Variants in CCSER1 observed in about 807,000 individuals in gnomAD.
CCSER1 encodes coiled-coil serine rich protein 1.
A neutral mutation model predicts 82.0 loss-of-function variants in CCSER1; 41 were observed. The observed-to-expected ratio is 0.50, with a 90% CI of 0.39 to 0.65. CCSER1 has a LOEUF of 0.65. CCSER1 is among the 30% of genes least tolerant of loss of function. The pLI is 0.00. For missense variants in CCSER1, 1,119 were observed against 1,064.2 expected, an observed-to-expected ratio of 1.05 and a Z score of -0.72; for synonymous variants, 414 against 383.9, an observed-to-expected ratio of 1.08 and a Z score of -0.92.
chr4:90,471,746 G>A (rs530548695), intron 5 of CCSER1, among the ~76,000 whole-genome samples: 132 of 151,656 alleles, frequency 8.7e-4, no homozygotes, highest in African/African-American at 3.0e-3. Flanking sequence ...AGGCCGAGGC[G>A]GGCGGATCAC....
chr4:91,446,671 A>AT (rs200717301), intron 10 of CCSER1, among the ~76,000 whole-genome samples: 37,715 of 105,934 alleles, frequency 0.36, 6,127 homozygotes, highest in South Asian at 0.49. Flanking sequence ...TATTTTAAAT[A>AT]AATAAATATA....
At chr4:90,490,222 T>C (rs988964800) in intron 5 of CCSER1, among the ~76,000 whole-genome samples, 5 of 152,190 alleles carry the variant, frequency 3.3e-5, no homozygotes, top group African/African-American at 1.2e-4. Context: ...TTCTAACTGG[T>C]GTGAGATGGT....
At chr4:91,298,880 G>C (rs1744439757) in intron 10 of CCSER1, among the ~76,000 whole-genome samples, 1 of 151,938 alleles carries the variant, frequency 6.6e-6, no homozygotes, top group Admixed American at 6.6e-5. Context: ...AAACCCAAAA[G>C]GGGGAAAATC....
chr4:90,933,580 A>G (rs1344357659), intron 9 of CCSER1, among the ~76,000 whole-genome samples: 2 of 152,024 alleles, frequency 1.3e-5, no homozygotes, highest in African/African-American at 4.8e-5. Flanking sequence ...TATCAGTAAT[A>G]TGACACAATT....
chr4:90,615,583 G>T (rs924542355), intron 5 of CCSER1, among the ~76,000 whole-genome samples: 1 of 152,102 alleles, frequency 6.6e-6, no homozygotes, highest in East Asian at 1.9e-4. Context: ...GAAACACCAA[G>T]AGAACTAGAA....
rs192040302 is a variant in CCSER1, at chr4:91,185,503, G to C, written c.2217+99509G>C. 7.0e-3 allele frequency among the ~76,000 whole-genome samples: 1,069 copies of C among 152,314 alleles called. 12 individuals are homozygous for C. Among genetic ancestry groups the C allele is most frequent in the African/African-American group, 0.025 (1,029 of 41,554 alleles). On this transcript the variant is annotated intron_variant, in intron 10 of 10. Coordinates refer to ENST00000509176, the MANE Select transcript of CCSER1 (RefSeq NM_001145065.2). ...CCCAGGCAGAAGGCTCACAGCTTTTGTGCAGCATAAATCTACTGCAGTGCT... is the reference window on the plus strand; with the variant it reads ...CCCAGGCAGAAGGCTCACAGCTTTTCTGCAGCATAAATCTACTGCAGTGCT...
chr4:91,230,151 AT>A (rs1307537700), intron 10 of CCSER1, among the ~76,000 whole-genome samples: 2 of 152,168 alleles, frequency 1.3e-5, no homozygotes, highest in Non-Finnish European at 2.9e-5. Context: ...AACTTTAGCC[AT>A]AAACTTTTCT....
chr4:91,570,959 CA>C (rs1225876794), intron 10 of CCSER1, among the ~76,000 whole-genome samples: 1 of 152,172 alleles, frequency 6.6e-6, no homozygotes, highest in Admixed American at 6.5e-5. Flanking sequence ...TTCCTTCCAT[CA>C]GATACTCTAA....
chr4:90,613,988 A>G (rs1414634770), intron 5 of CCSER1, among the ~76,000 whole-genome samples: 3 of 152,122 alleles, frequency 2.0e-5, no homozygotes, highest in African/African-American at 7.2e-5. Flanking sequence ...TGCTTCCCAC[A>G]TACTACATTT....
At chr4:91,337,663 A>G (rs548538682) in intron 10 of CCSER1, among the ~76,000 whole-genome samples, 2 of 152,178 alleles carry the variant, frequency 1.3e-5, no homozygotes, top group South Asian at 4.1e-4. Flanking sequence ...TAGCCAAGTG[A>G]ACATGGATAA....
intron 7 of CCSER1, chr4:90,780,640 C>G (rs189206686): frequency 1.5e-6 from 2 of 1,372,648 alleles, no homozygotes; most frequent in East Asian, 2.7e-5. Flanking sequence ...TCATTATATT[C>G]ATTCAAATGA....
intron 6 of CCSER1, chr4:90,663,852 T>C (rs62314392): frequency 0.19 from 68,154 of 360,284 alleles, 6,986 homozygotes; most frequent in African/African-American, 0.28. Context: ...TAGGTTCACT[T>C]GTCAAGGATG....
At chr4:90,779,639 C>T (rs946949552) in intron 7 of CCSER1, among the ~76,000 whole-genome samples, 1 of 152,178 alleles carries the variant, frequency 6.6e-6, no homozygotes, top group Admixed American at 6.5e-5. Flanking sequence ...GATTCTGTAG[C>T]AGTCACCTTG....
intron 6 of CCSER1, among the ~76,000 whole-genome samples, chr4:90,642,941 G>A (rs1241779868): frequency 6.6e-6 from 1 of 151,400 alleles, no homozygotes; most frequent in Non-Finnish European, 1.5e-5. Flanking sequence ...TAGAGGACTA[G>A]CTATTGATAA....
intron 10 of CCSER1, among the ~76,000 whole-genome samples, chr4:91,272,482 A>G (rs1246181229): frequency 6.6e-6 from 1 of 152,070 alleles, no homozygotes; most frequent in East Asian, 1.9e-4. Flanking sequence ...AGTTTGTTGT[A>G]GATTCTGGGT....
At chr4:90,481,582 G>C (rs537385284) in intron 5 of CCSER1, among the ~76,000 whole-genome samples, 1 of 152,170 alleles carries the variant, frequency 6.6e-6, no homozygotes, top group Non-Finnish European at 1.5e-5. Context: ...AGCACGAAGT[G>C]TTGTTGAATT....
intron 4 of CCSER1, among the ~76,000 whole-genome samples, chr4:90,433,899 G>A (rs1470135121): frequency 6.6e-6 from 1 of 151,636 alleles, no homozygotes; most frequent in Non-Finnish European, 1.5e-5. Flanking sequence ...CAAATTGTAA[G>A]ACAAGAGGTT....
chr4:91,593,467 C>CTTTTTTTT lies in CCSER1; in HGVS notation c.2218-5086_2218-5079dup, dbSNP rs753973015. ...TAACTGTCTTGTTTTCAACCCCGTGCTTTTTTTTTTTTTTTTTTTTTTTTT... is the reference window on the plus strand; with the variant it reads ...TAACTGTCTTGTTTTCAACCCCGTGCTTTTTTTTTTTTTTTTTTTTTTTTTTTTTTTTT... On this transcript the variant is annotated intron_variant, in intron 10 of 10. Transcript: ENST00000509176. Among the ~76,000 whole-genome samples the CTTTTTTTT allele has an allele frequency of 2.4e-4, 13 of 55,044 alleles. 1 individual carries two copies. Among genetic ancestry groups the CTTTTTTTT allele is most frequent in the African/African-American group, 5.9e-4 (8 of 13,626 alleles). 36.1% of individuals were successfully genotyped at this position (55,044 alleles called of 152,430 possible).
At chr4:91,435,021 T>A (rs1167858394) in intron 10 of CCSER1, among the ~76,000 whole-genome samples, 1 of 152,250 alleles carries the variant, frequency 6.6e-6, no homozygotes, top group African/African-American at 2.4e-5. Flanking sequence ...TGTTCCATGA[T>A]GTTTAATGAA....
Sources: gnomAD v4.1 joint callset for allele counts (sites outside exome capture counted in the v4.1 genomes callset) on GRCh38, gnomAD v4.1.1 for gene constraint, MANE v1.5 for transcripts, NCBI Gene and HGNC (gene_info 2026-07-23, HGNC 2026-07-21) for gene names.